The following MMP26 variants were observed in gnomAD, a reference collection of about 807,000 sequenced individuals.
MMP26 encodes the protein matrix metallopeptidase 26, also known as matrix metalloproteinase-26.
MMP26 carries 33 observed loss-of-function variants against 31.0 expected under a neutral mutation model. The observed-to-expected ratio is 1.06, with a 90% CI of 0.81 to 1.42. MMP26 has a LOEUF of 1.42. Ranked by LOEUF, MMP26 falls within the 40% of genes most tolerant of loss-of-function variation. The pLI is 0.00. For missense variants in MMP26, 347 were observed against 316.1 expected (o/e 1.10, Z -0.74); for synonymous variants, 122 against 114.9 (o/e 1.06, Z -0.40).
At chr11:4,813,130 A>G (rs1278165505) in intron 2 of MMP26, among the ~76,000 whole-genome samples, 1 of 152,118 alleles carries the variant, frequency 6.6e-6, no homozygotes, top group African/African-American at 2.4e-5. Context: ...TCAGCCTCCC[A>G]AGTAGCTGGG....
At position 4,923,666 on chromosome 11, in the gene MMP26, C is replaced by T. The variant is rs143904984; in HGVS notation, c.-144-64402C>T. 8.1e-5 allele frequency: 131 copies of T among 1,613,592 alleles called. No homozygotes were observed. Among genetic ancestry groups the T allele is most frequent in the South Asian group, 2.0e-4 (18 of 91,056 alleles). On this transcript the variant is annotated intron_variant, in intron 2 of 7. Coordinates refer to ENST00000380390, the MANE Select transcript of MMP26 (RefSeq NM_021801.5). ...GTGGGAGGCAATGCTGAGCACGGTG[C>T]GAAGGATGAGGGCGTATGAGAGAAA... is the stretch of plus-strand genomic sequence containing the variant.
chr11:4,960,013 T>C (rs1846498641), intron 2 of MMP26, among the ~76,000 whole-genome samples: 1 of 152,184 alleles, frequency 6.6e-6, no homozygotes, highest in African/African-American at 2.4e-5. Flanking sequence ...TGAAATTTTT[T>C]CACTGAATTT....
Position 4,948,298 on chromosome 11 carries a change from G to C in MMP26, c.-144-39770G>C, listed in dbSNP as rs1342867514. On this transcript the variant is annotated intron_variant, in intron 2 of 7. Coordinates refer to ENST00000380390, the MANE Select transcript of MMP26 (RefSeq NM_021801.5). ...TTACTGAGTTCCATTACCAGATGAT[G>C]ATTTGGAATCTTGAAATTTTTTAAA... Among the ~76,000 whole-genome samples, 9 of 124,452 alleles carry C rather than the reference G, an allele frequency of 7.2e-5. 3 individuals carry two copies. The highest frequency in any genetic ancestry group is 1.6e-4 in the Non-Finnish European group (9 of 54,862). The allele number at this position is 124,452 out of a possible 152,430, so 81.6% of individuals were successfully genotyped here. A position where few individuals can be genotyped will look rare whatever the true frequency, so the allele number is the denominator to read the frequency against.
At chr11:4,949,697 C>T (rs12577326) in intron 2 of MMP26, among the ~76,000 whole-genome samples, 88,780 of 120,716 alleles carry the variant, frequency 0.74, 38,537 homozygotes, top group Middle Eastern at 0.89. Flanking sequence ...AGAAAATAAA[C>T]TGGTAAAATC....
chr11:4,919,730 A>G (rs1851153660), intron 2 of MMP26, among the ~76,000 whole-genome samples: 2 of 152,228 alleles, frequency 1.3e-5, no homozygotes, highest in South Asian at 4.1e-4. Context: ...GAATTTAAAA[A>G]GGGATTTTTT....
At chr11:4,801,139 CA>C (rs1849175375) in intron 2 of MMP26, among the ~76,000 whole-genome samples, 1 of 152,264 alleles carries the variant, frequency 6.6e-6, no homozygotes, top group Admixed American at 6.5e-5. Context: ...TAAGAAGTTC[CA>C]AACTTTCCCT....
chr11:4,832,386 G>C (rs545936775), intron 2 of MMP26: 1 of 153,204 alleles, frequency 6.5e-6, no homozygotes, highest in East Asian at 1.9e-4. Flanking sequence ...ACGATGCTGA[G>C]AATCTTCTTG....
At chr11:4,931,623 A>T (rs1382779623) in intron 2 of MMP26, among the ~76,000 whole-genome samples, 1 of 152,084 alleles carries the variant, frequency 6.6e-6, no homozygotes, top group Non-Finnish European at 1.5e-5. Context: ...TTAACATGCT[A>T]TTCTTTTAAA....
intron 1 of MMP26, among the ~76,000 whole-genome samples, chr11:4,741,705 C>T (rs1051663158): frequency 3.3e-5 from 5 of 152,050 alleles, no homozygotes; most frequent in African/African-American, 1.2e-4. Context: ...AAGCAAACCA[C>T]CATAGCACAC....
intron 2 of MMP26, among the ~76,000 whole-genome samples, chr11:4,807,455 A>T (rs569991031): frequency 6.6e-6 from 1 of 152,210 alleles, no homozygotes; most frequent in Non-Finnish European, 1.5e-5. Flanking sequence ...GGATGAATTC[A>T]TGTCCTTTGC....
intron 2 of MMP26, chr11:4,923,800 A>G (rs150787427): frequency 8.7e-6 from 14 of 1,614,082 alleles, no homozygotes; most frequent in Admixed American, 5.0e-5. Flanking sequence ...GGTGAAGACA[A>G]TAAGCATGAG....
intron 1 of MMP26, among the ~76,000 whole-genome samples, chr11:4,758,465 GGAAAAA>G (rs1848531903): frequency 1.0e-5 from 1 of 99,034 alleles, no homozygotes; most frequent in African/African-American, 4.7e-5. Flanking sequence ...TCATCCATTT[GGAAAAA>G]AAAAAAAAAA....
At chr11:4,837,303 G>C (rs1020578665) in intron 2 of MMP26, among the ~76,000 whole-genome samples, 18 of 152,212 alleles carry the variant, frequency 1.2e-4, no homozygotes, top group African/African-American at 4.1e-4. Flanking sequence ...CTCCTCCTTG[G>C]CTCAAGTGAA....
At chr11:4,947,214 C>T in intron 2 of MMP26, 2 of 668,948 alleles carry the variant, frequency 3.0e-6, no homozygotes, top group Non-Finnish European at 4.8e-6. Flanking sequence ...CTTCTTTCAG[C>T]TTTCTTTTGA....
At chr11:4,882,556 C>T (rs1416020343) in intron 2 of MMP26, 5 of 1,613,868 alleles carry the variant, frequency 3.1e-6, no homozygotes, top group Non-Finnish European at 4.2e-6. Context: ...TTCTTTTCTC[C>T]TATGTCCTGA....
At chr11:4,761,046 G>A (rs1589892683) in intron 1 of MMP26, among the ~76,000 whole-genome samples, 1 of 152,164 alleles carries the variant, frequency 6.6e-6, no homozygotes, top group African/African-American at 2.4e-5. Context: ...CAAAACAGTG[G>A]AGGGTGAGTG....
chr11:4,754,711 G>T (rs1848485767), intron 1 of MMP26, among the ~76,000 whole-genome samples: 1 of 151,928 alleles, frequency 6.6e-6, no homozygotes, highest in Non-Finnish European at 1.5e-5. Flanking sequence ...CTCCAAACAT[G>T]TTGTCTATTT....
intron 1 of MMP26, among the ~76,000 whole-genome samples, chr11:4,707,738 CAT>C (rs1847799010): frequency 6.6e-6 from 1 of 152,210 alleles, no homozygotes; most frequent in Admixed American, 6.5e-5. Context: ...GGGAATCACA[CAT>C]ATGTGGAAAT....
intron 2 of MMP26, among the ~76,000 whole-genome samples, chr11:4,982,019 C>A (rs551934387): frequency 4.4e-4 from 67 of 151,624 alleles, no homozygotes; most frequent in Middle Eastern, 3.4e-3. Flanking sequence ...CCTGACTGAC[C>A]TGCCTGAAGT....
Sources: allele counts gnomAD v4.1 joint callset (sites outside exome capture counted in the v4.1 genomes callset), GRCh38; gene constraint gnomAD v4.1.1; transcripts MANE v1.5; gene names NCBI Gene and HGNC (gene_info 2026-07-23, HGNC 2026-07-21).